The following TESPA1 variants were observed in gnomAD, a reference collection of about 807,000 sequenced individuals.
TESPA1 encodes thymocyte expressed, positive selection associated 1, also known as protein TESPA1.
Under a neutral mutation model 57.9 loss-of-function variants are expected in TESPA1, and 33 were observed. The observed-to-expected ratio is 0.57, with a 90% CI of 0.43 to 0.76. The LOEUF is 0.76. Ranked by LOEUF, TESPA1 falls within the 30% of genes least tolerant of loss-of-function variation. The pLI is 0.00. For missense variants in TESPA1, 618 were observed against 632.9 expected, an observed-to-expected ratio of 0.98 and a Z score of 0.25; for synonymous variants, 227 against 228.9, an observed-to-expected ratio of 0.99 and a Z score of 0.07.
At position 54,966,129 on chromosome 12, in the gene TESPA1, G is replaced by A. The variant is rs896462651; in HGVS notation, c.370C>T (p.Pro124Ser). ...FSRSFLETAR[P>S]CQLLDLGCSL... ...CAGCCAAGATCAAGTAGCTGGCAAGGCCTGGCTGTCTCGAGGAAACTCCTG... is the reference window on the plus strand; with the variant it reads ...CAGCCAAGATCAAGTAGCTGGCAAGACCTGGCTGTCTCGAGGAAACTCCTG... The change falls in exon 7 of 11, where the codon CCT becomes TCT. Residue 124 changes from proline (P) to serine (S), a missense_variant. By Grantham distance (74) the Pro-to-Ser change is moderately conservative. Transcript: ENST00000449076. 4 of 1,572,206 alleles carry A rather than the reference G, an allele frequency of 2.5e-6. No individual in the cohort carries two copies. The highest frequency in any genetic ancestry group is 2.3e-5 in the East Asian group (1 of 42,574).
At chr12:54,955,004 A>C (rs574311961) in intron 10 of TESPA1, among the ~76,000 whole-genome samples, 1 of 152,288 alleles carries the variant, frequency 6.6e-6, no homozygotes, top group South Asian at 2.1e-4. Context: ...TTTTGAGGAA[A>C]CTTAGTACTC....
At chr12:54,959,814 C>T (rs1370890209) in intron 10 of TESPA1, among the ~76,000 whole-genome samples, 1 of 152,134 alleles carries the variant, frequency 6.6e-6, no homozygotes, top group East Asian at 1.9e-4. Context: ...CCTAACATGC[C>T]AGACCAGCAA....
intron 1 of TESPA1, among the ~76,000 whole-genome samples, chr12:54,976,846 A>G (rs936836011): frequency 2.0e-5 from 3 of 152,196 alleles, no homozygotes; most frequent in African/African-American, 7.2e-5. Context: ...CTTCAAAAAT[A>G]TATCGCAATA....
intron 1 of TESPA1, among the ~76,000 whole-genome samples, chr12:54,982,641 C>A (rs547570184): frequency 2.0e-5 from 3 of 152,206 alleles, no homozygotes; most frequent in African/African-American, 7.2e-5. Context: ...TTTGAATGGG[C>A]AATAAAGACA....
chr12:54,953,643 C>G (rs1950541624), intron 10 of TESPA1, among the ~76,000 whole-genome samples: 2 of 151,604 alleles, frequency 1.3e-5, no homozygotes, highest in Non-Finnish European at 2.9e-5. Context: ...TCAAGCCTCC[C>G]GAGTAGCTGG....
chr12:54,974,950 A>G (rs1273645170), intron 1 of TESPA1, among the ~76,000 whole-genome samples: 1 of 152,192 alleles, frequency 6.6e-6, no homozygotes, highest in African/African-American at 2.4e-5. Context: ...TTAATCCTTA[A>G]GAATGTTGTC....
intron 9 of TESPA1, 150 bp downstream of exon 9, chr12:54,962,281 T>G (rs1231368871): frequency 2.0e-6 from 2 of 980,996 alleles, no homozygotes; most frequent in African/African-American, 3.3e-5. Flanking sequence ...TCCCTGTATA[T>G]TAACCCTGAA....
At chr12:54,974,804 G>T (rs11171203) in intron 1 of TESPA1, among the ~76,000 whole-genome samples, 197 bp from the exon 2 acceptor site, 6 of 152,036 alleles carry the variant, frequency 3.9e-5, no homozygotes, top group African/African-American at 1.5e-4. Flanking sequence ...TCTAAATACC[G>T]GGATAAGTCT....
At chr12:54,964,442 A>G (rs1951291022) in intron 7 of TESPA1, among the ~76,000 whole-genome samples, 1 of 152,220 alleles carries the variant, frequency 6.6e-6, no homozygotes. Context: ...AAGCACATCC[A>G]AAACCTGATT....
chr12:54,980,691 T>C (rs780279480), intron 1 of TESPA1, among the ~76,000 whole-genome samples: 1 of 152,204 alleles, frequency 6.6e-6, no homozygotes, highest in Non-Finnish European at 1.5e-5. Flanking sequence ...TTTTAGCAAC[T>C]ATTAGCCTAC....
Position 54,974,410 on chromosome 12 carries a change from A to G in TESPA1, c.153T>C (p.Val51=), listed in dbSNP as rs777745453. ...PDPEPSSLDD[V]FQEGNPINKI... ...ATGTTCGTCTCTTACCTTCTTGGAAAACGTCATCCAGGCTGGAAGGCTCAG... is the reference window on the plus strand; with the variant it reads ...ATGTTCGTCTCTTACCTTCTTGGAAGACGTCATCCAGGCTGGAAGGCTCAG... Residue 51 remains valine, a synonymous_variant, in exon 2 of 11, where the codon GTT becomes GTC. Transcript: ENST00000449076. 2 of 1,604,742 alleles carry G rather than the reference A, an allele frequency of 1.2e-6. No homozygotes were observed. Among genetic ancestry groups the G allele is most frequent in the East Asian group, 4.5e-5 (2 of 44,618 alleles).
chr12:54,956,253 T>C (rs1950726757), intron 10 of TESPA1, among the ~76,000 whole-genome samples: 1 of 152,186 alleles, frequency 6.6e-6, no homozygotes, highest in African/African-American at 2.4e-5. Flanking sequence ...GAACGAGCAT[T>C]CCCACCTAGT....
At chr12:54,970,384 G>C (rs549411108) in intron 3 of TESPA1, among the ~76,000 whole-genome samples, 1 of 152,150 alleles carries the variant, frequency 6.6e-6, no homozygotes, top group African/African-American at 2.4e-5. Context: ...TTTCTGGTTT[G>C]TCCAAAGCAA....
In TESPA1 at chr12:54,962,710, G is replaced by A. The variant is rs763091928; in HGVS notation, c.1188C>T (p.Pro396=). 2 of 1,613,906 alleles carry A rather than the reference G, an allele frequency of 1.2e-6. No individual in the cohort carries two copies. The highest frequency in any genetic ancestry group is 1.7e-6 in the Non-Finnish European group (2 of 1,179,886). The part of the protein sequence containing the change: ...PKVPCCTHSL[P]IEDPQWSTDP... ...CTGTGCTCCACTGTGGATCTTCTAT[G>A]GGCAGAGAATGTGTGCAACAGGGTA... is the stretch of plus-strand genomic sequence containing the variant. The change falls in exon 9 of 11, where the codon CCC becomes CCT. Residue 396 remains proline (P), a synonymous_variant. Transcript: ENST00000449076.
intron 1 of TESPA1, among the ~76,000 whole-genome samples, chr12:54,975,806 T>G (rs1486133613): frequency 6.6e-6 from 1 of 152,236 alleles, no homozygotes; most frequent in Non-Finnish European, 1.5e-5. Flanking sequence ...TAAAATAGCT[T>G]TTTTGAAAAG....
rs760876207 is a variant in TESPA1, at chr12:54,962,589, T to C, written c.1309A>G (p.Arg437Gly). 2 of 1,614,002 alleles carry C rather than the reference T, an allele frequency of 1.2e-6. No homozygotes were observed. Among genetic ancestry groups the C allele is most frequent in the South Asian group, 2.2e-5 (2 of 91,070 alleles). Residue 437 changes from arginine to glycine, a missense_variant, in exon 9 of 11, where the codon AGA becomes GGA. Arg to Gly is a moderately radical substitution (Grantham distance 125, BLOSUM62 -2). Transcript: ENST00000449076. ...KDETFWKRKS[R>G]ARKSLFQKNL... ...TTCTGGAAGAGGCTCTTTCTTGCTCTGCTCTTTCTTTTCCAGAAAGTCTCA... is the reference window on the plus strand; with the variant it reads ...TTCTGGAAGAGGCTCTTTCTTGCTCCGCTCTTTCTTTTCCAGAAAGTCTCA...
chr12:54,975,716 T>TAAAATAA (rs757167565), intron 1 of TESPA1, among the ~76,000 whole-genome samples: 2 of 151,706 alleles, frequency 1.3e-5, no homozygotes, highest in African/African-American at 2.4e-5. Context: ...TAAAATAAAA[T>TAAAATAA]AAGAAGACTA....
chr12:54,974,236 T>A (rs930973211), intron 2 of TESPA1, among the ~76,000 whole-genome samples, 164 bp downstream of exon 2: 3 of 152,198 alleles, frequency 2.0e-5, no homozygotes, highest in Non-Finnish European at 4.4e-5. Flanking sequence ...AATTCATATT[T>A]CGTATTACTT....
chr12:54,968,003 T>C, intron 3 of TESPA1, 111 bp from the exon 4 acceptor site: 1 of 1,558,350 alleles, frequency 6.4e-7, no homozygotes, highest in South Asian at 1.2e-5. Context: ...GAGTCAGTAG[T>C]ATTTAATTTG....
Sources: gnomAD v4.1 joint callset for allele counts (sites outside exome capture counted in the v4.1 genomes callset) on GRCh38, gnomAD v4.1.1 for gene constraint, MANE v1.5 for transcripts, NCBI Gene and HGNC (gene_info 2026-07-23, HGNC 2026-07-21) for gene names.